BTRC: variants seen among roughly 807,000 people sequenced by gnomAD.
BTRC encodes beta-transducin repeat containing E3 ubiquitin protein ligase.
A neutral mutation model predicts 85.5 loss-of-function variants in BTRC; 42 were observed. The observed-to-expected ratio is 0.49, with a 90% CI of 0.38 to 0.64. BTRC has a LOEUF of 0.64. Among genes scored for constraint, BTRC ranks in the 30% least tolerant of loss-of-function variants. BTRC has a pLI of 0.00. For synonymous variants in BTRC, 255 were observed against 263.3 expected (o/e 0.97, Z 0.30); for missense variants, 594 against 743.5 (o/e 0.80, Z 2.34).
At chr10:101,548,473 T>G (rs2062593234) in intron 13 of BTRC, among the ~76,000 whole-genome samples, 1 of 152,204 alleles carries the variant, frequency 6.6e-6, no homozygotes, top group Non-Finnish European at 1.5e-5. Flanking sequence ...AGGCATGAGC[T>G]GGGCTCAGTG....
At chr10:101,367,449 T>C (rs549887282) in intron 1 of BTRC, among the ~76,000 whole-genome samples, 11 of 152,278 alleles carry the variant, frequency 7.2e-5, no homozygotes, top group Non-Finnish European at 8.8e-5. Flanking sequence ...AAGTAAAATA[T>C]ATATACAAAT....
chr10:101,547,328 C>CTTTTTTTTTTTTT (rs71016332), intron 13 of BTRC, among the ~76,000 whole-genome samples: 3 of 79,632 alleles, frequency 3.8e-5, no homozygotes, highest in African/African-American at 9.2e-5. Flanking sequence ...TATGGTTTTT[C>CTTTTTTTTTTTTT]TTTTTTTTTT....
At chr10:101,394,485 C>T (rs1010833665) in intron 1 of BTRC, among the ~76,000 whole-genome samples, 28 of 152,080 alleles carry the variant, frequency 1.8e-4, no homozygotes, top group African/African-American at 6.3e-4. Flanking sequence ...GGATTTTTGT[C>T]TATTTAAAGA....
chr10:101,460,594 G>A (rs912222628), intron 2 of BTRC, among the ~76,000 whole-genome samples: 1 of 152,198 alleles, frequency 6.6e-6, no homozygotes, highest in African/African-American at 2.4e-5. Flanking sequence ...TAGGGTACTG[G>A]CCTGTCAGGC....
chr10:101,488,143 C>G (rs1946038495), intron 4 of BTRC, among the ~76,000 whole-genome samples: 1 of 152,198 alleles, frequency 6.6e-6, no homozygotes, highest in Admixed American at 6.5e-5. Context: ...AGCCTCCTCT[C>G]TCCTCATCAC....
intron 4 of BTRC, among the ~76,000 whole-genome samples, chr10:101,486,599 A>G (rs1945995628): frequency 6.6e-6 from 1 of 152,110 alleles, no homozygotes; most frequent in African/African-American, 2.4e-5. Flanking sequence ...TGTGTGAATT[A>G]GTTAAATTTC....
intron 4 of BTRC, among the ~76,000 whole-genome samples, chr10:101,521,362 A>G (rs375896650): frequency 1.3e-5 from 2 of 152,368 alleles, no homozygotes; most frequent in East Asian, 3.9e-4. Flanking sequence ...CTTGCTAGTA[A>G]TAACATGCTT....
At chr10:101,528,191 A>G (rs939986685) in intron 6 of BTRC, among the ~76,000 whole-genome samples, 2 of 152,178 alleles carry the variant, frequency 1.3e-5, no homozygotes, top group African/African-American at 4.8e-5. Flanking sequence ...TCCCATTTGG[A>G]CTGTAAATGA....
chr10:101,508,192 GA>G (rs972179045), intron 4 of BTRC, among the ~76,000 whole-genome samples: 1 of 151,930 alleles, frequency 6.6e-6, no homozygotes, highest in African/African-American at 2.4e-5. Flanking sequence ...TAGTAAATAG[GA>G]AAAAAAGATT....
intron 11 of BTRC, 34 bp from the exon 12 acceptor site, chr10:101,536,509 G>T (rs769783805): frequency 5.3e-6 from 8 of 1,502,636 alleles, no homozygotes; most frequent in Non-Finnish European, 6.5e-6. Flanking sequence ...AAAAGAATAC[G>T]TGAAAATTCA....
intron 4 of BTRC, among the ~76,000 whole-genome samples, chr10:101,508,383 A>G (rs539401890): frequency 1.3e-5 from 2 of 152,318 alleles, no homozygotes; most frequent in East Asian, 1.9e-4. Flanking sequence ...CCTGTCTTCC[A>G]TGTTCACTAA....
intron 1 of BTRC, among the ~76,000 whole-genome samples, chr10:101,359,774 A>G (rs1182075352): frequency 1.3e-5 from 2 of 151,352 alleles, no homozygotes; most frequent in African/African-American, 2.4e-5. Context: ...CTAATTTTGT[A>G]TTTTTGGTAG....
intron 2 of BTRC, among the ~76,000 whole-genome samples, chr10:101,461,038 G>A (rs765167040): frequency 5.9e-5 from 9 of 151,988 alleles, no homozygotes; most frequent in Non-Finnish European, 1.0e-4. Flanking sequence ...GAGTAGCTGG[G>A]ATTACAGGCA....
chr10:101,453,709 C>T (rs551436475), intron 2 of BTRC, among the ~76,000 whole-genome samples: 15 of 152,166 alleles, frequency 9.9e-5, no homozygotes, highest in Non-Finnish European at 1.9e-4. Context: ...CTTACTAGGT[C>T]ATGGGGAATA....
Position 101,535,347 on chromosome 10 carries a change from T to C in BTRC, c.1348-7T>C. The stretch of plus-strand genomic sequence containing the variant: ...AATCAACTGCTCAATGCCATTTTCT[T>C]TTTCAGGTATGGAACACAAGTACTT... On this transcript the variant is annotated splice_polypyrimidine_tract_variant and splice_region_variant and intron_variant, in intron 10 of 14. Transcript: ENST00000370187. 6.2e-7 allele frequency: 1 copy of C among 1,607,770 alleles called. No homozygotes were observed. Among genetic ancestry groups the C allele is most frequent in the Non-Finnish European group, 8.5e-7 (1 of 1,175,822 alleles).
intron 1 of BTRC, among the ~76,000 whole-genome samples, chr10:101,374,733 G>T (rs924344184): frequency 6.6e-6 from 1 of 150,850 alleles, no homozygotes; most frequent in African/African-American, 2.4e-5. Flanking sequence ...GTATACATAT[G>T]TATGTAACCT....
intron 1 of BTRC, among the ~76,000 whole-genome samples, chr10:101,377,549 A>G (rs1182125647): frequency 6.6e-6 from 1 of 152,200 alleles, no homozygotes; most frequent in Non-Finnish European, 1.5e-5. Context: ...TGGGATTATC[A>G]GTATTTTTAA....
chr10:101,445,070 C>A (rs1944786310), intron 2 of BTRC, among the ~76,000 whole-genome samples: 1 of 152,058 alleles, frequency 6.6e-6, no homozygotes, highest in Non-Finnish European at 1.5e-5. Flanking sequence ...GTTTAGTTAT[C>A]GACATTTCAT....
At chr10:101,528,588 T>G (rs540828354) in intron 6 of BTRC, among the ~76,000 whole-genome samples, 2 of 152,300 alleles carry the variant, frequency 1.3e-5, no homozygotes, top group Non-Finnish European at 2.9e-5. Flanking sequence ...CCCATGAAAT[T>G]CCAAATACTT....
Sources: allele counts gnomAD v4.1 joint callset (sites outside exome capture counted in the v4.1 genomes callset), GRCh38; gene constraint gnomAD v4.1.1; transcripts MANE v1.5; gene names NCBI Gene and HGNC (gene_info 2026-07-23, HGNC 2026-07-21).